MYOM1: variants seen among roughly 807,000 people sequenced by gnomAD.
MYOM1 encodes the protein myomesin 1, also known as myomesin-1.
Under a neutral mutation model 205.3 loss-of-function variants are expected in MYOM1, and 164 were observed. The observed-to-expected ratio is 0.80, with a 90% CI of 0.70 to 0.91. MYOM1 has a LOEUF of 0.91. Ranked by LOEUF, MYOM1 falls within the 40% of genes least tolerant of loss-of-function variation. The pLI, the probability that MYOM1 is intolerant of heterozygous loss-of-function variation, is 0.00. For missense variants in MYOM1, 2,011 were observed against 2,127.3 expected (o/e 0.95, Z 1.08); for synonymous variants, 772 against 789.4 (o/e 0.98, Z 0.37).
At position 3,135,107 on chromosome 18, in the gene MYOM1, G is replaced by A. The variant is rs1411986536; in HGVS notation, c.2210-283C>T. On this transcript the variant is annotated intron_variant, in intron 15 of 37. Transcript: ENST00000356443. The surrounding 1 kb of genome is among the most constrained non-coding windows in gnomAD (Gnocchi z 4.1). ...GGAATTACCAGGCATGTGCCACAAC[G>A]CCTGGCTAATTTTTGTGTTTTCAGT... 9 of 365,008 alleles carry A rather than the reference G, an allele frequency of 2.5e-5. No individual in the cohort carries two copies. Among genetic ancestry groups the A allele is most frequent in the African/African-American group, 6.3e-5 (3 of 47,962 alleles). The allele number at this position is 365,008 out of a possible 1,614,324, so 22.6% of individuals were successfully genotyped here. A position where few individuals can be genotyped will look rare whatever the true frequency, so the allele number is the denominator to read the frequency against.
chr18:3,150,651 G>C (rs1028459599), intron 12 of MYOM1, among the ~76,000 whole-genome samples: 2 of 152,144 alleles, frequency 1.3e-5, no homozygotes, highest in African/African-American at 2.4e-5. Flanking sequence ...GCATAAGCCT[G>C]AAATGTTACT....
At chr18:3,123,693 A>T (rs2079733231) in intron 19 of MYOM1, among the ~76,000 whole-genome samples, 5 of 148,104 alleles carry the variant, frequency 3.4e-5, no homozygotes, top group African/African-American at 2.5e-5. Context: ...TTTTTTTGGT[A>T]GAACTTGGGA....
chr18:3,149,379 G>A (rs1005161980), intron 12 of MYOM1, among the ~76,000 whole-genome samples, 178 bp from the exon 13 acceptor site: 10 of 152,250 alleles, frequency 6.6e-5, no homozygotes, highest in Non-Finnish European at 1.2e-4. Context: ...GCACAGCCCC[G>A]GTCCTCAAGG....
chr18:3,159,174 C>T (rs142078965), intron 10 of MYOM1, among the ~76,000 whole-genome samples: 80 of 152,250 alleles, frequency 5.3e-4, no homozygotes, highest in Admixed American at 1.0e-3. Flanking sequence ...GGCAGACTTA[C>T]GGATGGCTTT....
chr18:3,089,200 C>T lies in MYOM1; in HGVS notation c.4111G>A (p.Glu1371Lys). ...VEYLSWEVTG[E>K]CNVLLKCKVA... Reference sequence around the variant, plus strand: ...TTGCATTTCAATAGTACATTACATTCACCAGTCACTTCCCAGCTCAAATAC... The same window carrying T: ...TTGCATTTCAATAGTACATTACATTTACCAGTCACTTCCCAGCTCAAATAC... Residue 1371 changes from glutamate (E) to lysine (K), a missense_variant, in exon 29 of 38, where the codon GAA becomes AAA. Glu to Lys is a moderately conservative substitution (Grantham distance 56). Coordinates refer to ENST00000356443, the MANE Select transcript of MYOM1 (RefSeq NM_003803.4). The T allele has an allele frequency of 6.2e-7, 1 of 1,611,846 alleles. No homozygotes were observed. The highest frequency in any genetic ancestry group is 8.5e-7 in the Non-Finnish European group (1 of 1,178,494).
chr18:3,239,946 C>G, the MYOM1 span, among the ~76,000 whole-genome samples: 1 of 151,924 alleles, frequency 6.6e-6, no homozygotes, highest in African/African-American at 2.4e-5. Context: ...TAGTAAATTT[C>G]TCCCTAAGAA....
In MYOM1 at chr18:3,067,562, G is replaced by A. The variant is rs1401070400; in HGVS notation, c.4765-7C>T. 1.2e-6 allele frequency: 2 copies of A among 1,608,758 alleles called. No individual in the cohort carries two copies. Among genetic ancestry groups the A allele is most frequent in the African/African-American group, 2.7e-5 (2 of 74,758 alleles). ...TGCAAGTGAGATTAAGGGCCTGCAA[G>A]ACAGGTTTTATGGGAGAGAAGAAGA... On this transcript the variant is annotated splice_polypyrimidine_tract_variant and splice_region_variant and intron_variant, in intron 37 of 37. Coordinates refer to ENST00000356443, the MANE Select transcript of MYOM1 (RefSeq NM_003803.4).
intron 37 of MYOM1, among the ~76,000 whole-genome samples, chr18:3,069,511 T>C (rs1193817424): frequency 6.6e-6 from 1 of 152,194 alleles, no homozygotes; most frequent in Admixed American, 6.5e-5. Flanking sequence ...GAAATCTGTT[T>C]TTCTCCCATC....
rs1020151099 is a variant in MYOM1 at position 3,152,374 on chromosome 18, T to G, written c.1644-481A>C. On this transcript the variant is annotated intron_variant, in intron 11 of 37. Coordinates refer to ENST00000356443, the MANE Select transcript of MYOM1 (RefSeq NM_003803.4). This position sits in a 1 kb window ranked among gnomAD's most constrained non-coding sequence, Gnocchi z 4.3. Reference sequence around the variant, plus strand: ...CTGTAGTTTGGAAAAGAGTTCACCATATTTCCTCACTTCATGGTCATTCCA... The same window carrying G: ...CTGTAGTTTGGAAAAGAGTTCACCAGATTTCCTCACTTCATGGTCATTCCA... 6.6e-6 allele frequency among the ~76,000 whole-genome samples: 1 copy of G among 152,216 alleles called. No individual in the cohort carries two copies. The highest frequency in any genetic ancestry group is 2.4e-5 in the African/African-American group (1 of 41,452).
chr18:3,205,808 A>C (rs1201058238), intron 2 of MYOM1, among the ~76,000 whole-genome samples: 1 of 152,198 alleles, frequency 6.6e-6, no homozygotes, highest in African/African-American at 2.4e-5. Context: ...AATACCACTG[A>C]AATCCTCACG....
In MYOM1 at chr18:3,089,560, C is replaced by T. The variant is rs112504951; in HGVS notation, c.4046G>A (p.Arg1349Gln). 89 of 1,608,950 alleles carry T rather than the reference C, an allele frequency of 5.5e-5. No homozygotes were observed. The highest frequency in any genetic ancestry group is 3.3e-4 in the Middle Eastern group (2 of 6,052). ...ACCTTGTTTCCTGATCCATTCTTGC[C>T]GCTGGAATTCAGCTTCTTTCTGGAG... The part of the protein sequence containing the change: ...KKLQKEAEFQ[R>Q]QEWIRKQGPH... Residue 1349 changes from arginine to glutamine, a missense_variant, in exon 28 of 38, where the codon CGG (arginine) becomes CAG (glutamine). Coordinates refer to ENST00000356443, the MANE Select transcript of MYOM1 (RefSeq NM_003803.4).
At chr18:3,182,628 T>TC (rs1222205787) in intron 5 of MYOM1, among the ~76,000 whole-genome samples, 1 of 152,088 alleles carries the variant, frequency 6.6e-6, no homozygotes, top group Non-Finnish European at 1.5e-5. Flanking sequence ...TTGACAAGGC[T>TC]CCCCCTCAGG....
intron 10 of MYOM1, among the ~76,000 whole-genome samples, chr18:3,159,618 G>A (rs2080352077): frequency 6.6e-6 from 1 of 152,096 alleles, no homozygotes; most frequent in African/African-American, 2.4e-5. Context: ...GAACGTATAG[G>A]CAAAAGGATG....
intron 19 of MYOM1, among the ~76,000 whole-genome samples, chr18:3,124,450 C>A (rs2079747596): frequency 6.6e-6 from 1 of 150,562 alleles, no homozygotes; most frequent in Non-Finnish European, 1.5e-5. Flanking sequence ...CTCCACCACT[C>A]CTGGGACTCC....
chr18:3,089,546 T>A lies in MYOM1; in HGVS notation c.4060A>T (p.Arg1354Trp). 6.2e-7 allele frequency: 1 copy of A among 1,608,176 alleles called. No individual in the cohort carries two copies. The highest frequency in any genetic ancestry group is 1.3e-5 in the African/African-American group (1 of 75,012). Residue 1354 changes from arginine (R) to tryptophan (W), a missense_variant, in exon 28 of 38, where the codon AGG becomes TGG. Physicochemically the swap from Arg to Trp is moderately radical, Grantham distance 101. Coordinates refer to ENST00000356443, the MANE Select transcript of MYOM1 (RefSeq NM_003803.4). ...CACGGCCTATTTTTACCTTGTTTCC[T>A]GATCCATTCTTGCCGCTGGAATTCA... ...EAEFQRQEWI[R>W]KQGPHFVEYL...
chr18:3,187,865 T>C (rs865936904), intron 4 of MYOM1, among the ~76,000 whole-genome samples: 2,225 of 147,828 alleles, frequency 0.015, 49 homozygotes, highest in African/African-American at 0.05. Context: ...TTCTTTTTTT[T>C]TTTTTTTTTT....
Position 3,164,298 on chromosome 18 carries a change from C to CTATATTGTTCA in MYOM1, c.1470_1480dup (p.Ser494MetfsTer27). 2.5e-6 allele frequency: 4 copies of CTATATTGTTCA among 1,613,042 alleles called. No individual in the cohort carries two copies. The highest frequency in any genetic ancestry group is 3.3e-5 in the Admixed American group (2 of 59,940). On this transcript the variant is annotated frameshift_variant, in exon 10 of 38. Coordinates refer to ENST00000356443, the MANE Select transcript of MYOM1 (RefSeq NM_003803.4). LOFTEE classifies it high-confidence loss of function. ...CTTACCTCGAACAAAGACATAAGCA[C>CTATATTGTTCA]TATATTGTTCATAATATTCTCCCAT...
chr18:3,156,256 A>T (rs896593789), intron 10 of MYOM1, among the ~76,000 whole-genome samples: 10 of 152,246 alleles, frequency 6.6e-5, no homozygotes, highest in South Asian at 2.1e-4. Context: ...TGAGACATGC[A>T]GGAGCCACTC....
chr18:3,103,415 A>G (rs1180428304), intron 22 of MYOM1, among the ~76,000 whole-genome samples: 1 of 152,172 alleles, frequency 6.6e-6, no homozygotes, highest in Non-Finnish European at 1.5e-5. Flanking sequence ...TATTTTTGAG[A>G]GTTATAATAA....
Sources: allele counts gnomAD v4.1 joint callset (sites outside exome capture counted in the v4.1 genomes callset), GRCh38; gene constraint gnomAD v4.1.1; non-coding constraint Gnocchi (gnomAD v3.1); transcripts MANE v1.5; gene names NCBI Gene and HGNC (gene_info 2026-07-23, HGNC 2026-07-21).